Variants in LEPR observed in about 807,000 individuals in gnomAD.
LEPR encodes the protein leptin receptor, also known as OB receptor.
A neutral mutation model predicts 114.7 loss-of-function variants in LEPR; 56 were observed. The observed-to-expected ratio is 0.49, with a 90% confidence interval of 0.39 to 0.61. LEPR has a LOEUF of 0.61. Among genes scored for constraint, LEPR ranks in the 20% least tolerant of loss-of-function variants. The pLI, the probability that LEPR is intolerant of heterozygous loss-of-function variation, is 0.00. For synonymous variants in LEPR, 443 were observed against 461.4 expected (o/e 0.96, Z 0.51); for missense variants, 1,202 against 1,352.9 (o/e 0.89, Z 1.75).
At chr1:65,576,652 TCAC>T (rs1654606188) in intron 5 of LEPR, 1 of 157,362 alleles carries the variant, frequency 6.4e-6, no homozygotes, top group Non-Finnish European at 1.4e-5. Context: ...TTCAACATGC[TCAC>T]TGATGGTTCC....
rs1366109249 is a variant in LEPR, at chr1:65,464,659, C to CT, written c.-21+39288dup. Among the ~76,000 whole-genome samples the CT allele has an allele frequency of 9.9e-5, 15 of 152,220 alleles. 1 individual carries two copies. In the East Asian group the frequency reaches 2.9e-3, roughly 29 times the overall value. On this transcript the variant is annotated intron_variant, in intron 2 of 19. Coordinates refer to ENST00000349533, the MANE Select transcript of LEPR (RefSeq NM_002303.6). Reference sequence around the variant, plus strand: ...GGCTGTGAATCCATCTGGTCCTGGACTTTTTTTGGTTGATAGGCTATTAAT... The same window carrying CT: ...GGCTGTGAATCCATCTGGTCCTGGACTTTTTTTTGGTTGATAGGCTATTAAT...
intron 2 of LEPR, among the ~76,000 whole-genome samples, chr1:65,497,923 G>T (rs1648246708): frequency 6.6e-6 from 1 of 152,128 alleles, no homozygotes; most frequent in African/African-American, 2.4e-5. Context: ...GAAATGTTTT[G>T]TGAATACACA....
intron 14 of LEPR, among the ~76,000 whole-genome samples, chr1:65,613,181 A>T (rs1315673993): frequency 6.6e-6 from 1 of 152,140 alleles, no homozygotes; most frequent in African/African-American, 2.4e-5. Context: ...TTGGTTTGTA[A>T]TCCAATACTA....
intron 2 of LEPR, among the ~76,000 whole-genome samples, chr1:65,431,171 C>A (rs1176265459): frequency 6.6e-6 from 1 of 152,108 alleles, no homozygotes; most frequent in Non-Finnish European, 1.5e-5. Flanking sequence ...TGCTTTAGAC[C>A]AGCCCTTCTT....
At chr1:65,445,162 CT>C (rs1470007383) in intron 2 of LEPR, among the ~76,000 whole-genome samples, 2 of 152,056 alleles carry the variant, frequency 1.3e-5, no homozygotes, top group Non-Finnish European at 2.9e-5. Flanking sequence ...TACAGTTTAC[CT>C]TATCTATGGC....
chr1:65,432,707 TAGG>T, intron 2 of LEPR: 1 of 880,410 alleles, frequency 1.1e-6, no homozygotes, highest in Non-Finnish European at 1.4e-6. Context: ...AAGCCTCAGT[TAGG>T]AGGAATAAGT....
intron 18 of LEPR, 147 bp downstream of exon 18, chr1:65,621,605 A>G: frequency 1.5e-6 from 1 of 686,462 alleles, no homozygotes; most frequent in Non-Finnish European, 2.5e-6. Context: ...CATAAAAAGG[A>G]AAGGCCTGTT....
At chr1:65,571,029 G>A (rs560393255) in intron 4 of LEPR, among the ~76,000 whole-genome samples, 1 of 152,122 alleles carries the variant, frequency 6.6e-6, no homozygotes, top group African/African-American at 2.4e-5. Flanking sequence ...TACATTCCTT[G>A]TAGTCTTCTA....
chr1:65,609,398 G>C (rs1657026448), intron 12 of LEPR, among the ~76,000 whole-genome samples: 1 of 152,184 alleles, frequency 6.6e-6, no homozygotes. Flanking sequence ...AACAAACAGA[G>C]TCATTCCCGT....
chr1:65,469,829 T>A (rs1647060906), intron 2 of LEPR, among the ~76,000 whole-genome samples: 2 of 152,216 alleles, frequency 1.3e-5, no homozygotes, highest in Admixed American at 1.3e-4. Flanking sequence ...TTCATCCTCA[T>A]TCTCATTTCT....
intron 5 of LEPR, among the ~76,000 whole-genome samples, chr1:65,587,882 A>G (rs1655419770): frequency 6.6e-6 from 1 of 152,002 alleles, no homozygotes; most frequent in Non-Finnish European, 1.5e-5. Context: ...TATATATGCT[A>G]GTTTATTATA....
intron 2 of LEPR, among the ~76,000 whole-genome samples, chr1:65,481,758 A>G (rs1349511026): frequency 4.0e-5 from 6 of 151,702 alleles, no homozygotes; most frequent in African/African-American, 1.4e-4. Context: ...AATATACTTC[A>G]ACTTTGGTAC....
chr1:65,604,992 G>T, intron 10 of LEPR, 46 bp from the exon 11 acceptor site: 3 of 1,600,276 alleles, frequency 1.9e-6, no homozygotes, highest in Non-Finnish European at 2.6e-6. Flanking sequence ...TCTTCTTGTT[G>T]CTTTTATTAA....
chr1:65,578,581 A>G (rs1654761208), intron 5 of LEPR, among the ~76,000 whole-genome samples: 1 of 152,136 alleles, frequency 6.6e-6, no homozygotes, highest in African/African-American at 2.4e-5. Flanking sequence ...GGATGATGCT[A>G]TGTCACAGTT....
In LEPR at chr1:65,633,413, G is replaced by A; in HGVS notation, c.2674-2778G>A. On this transcript the variant is annotated intron_variant, in intron 19 of 19. Transcript: ENST00000349533. The surrounding 1 kb of genome is among the most constrained non-coding windows in gnomAD (Gnocchi z 4.1). ...GTGATTAATTTTCAAATCATCTAAA[G>A]TTTAAAAGTAGTATTCATGATTTCT... The A allele has an allele frequency of 7.6e-7, 1 of 1,312,786 alleles. No individual in the cohort carries two copies. Among genetic ancestry groups the A allele is most frequent in the Non-Finnish European group, 9.7e-7 (1 of 1,033,530 alleles). 81.3% of individuals were successfully genotyped at this position (1,312,786 alleles called of 1,614,324 possible).
chr1:65,502,459 A>G (rs1648502875), intron 2 of LEPR, among the ~76,000 whole-genome samples: 1 of 152,036 alleles, frequency 6.6e-6, no homozygotes, highest in Non-Finnish European at 1.5e-5. Flanking sequence ...AGCTTAGCAA[A>G]CGAATACAGC....
rs1410845974 is a variant in LEPR, at chr1:65,553,620, C to CT, written c.-20-11920dup. On this transcript the variant is annotated intron_variant, in intron 2 of 19. Coordinates refer to ENST00000349533, the MANE Select transcript of LEPR (RefSeq NM_002303.6). Reference sequence around the variant, plus strand: ...TTTTCTAGTTCGCAATTCCTCTAACCTTTTTTCAACATTCTTAGCTTCCTT... The same window carrying CT: ...TTTTCTAGTTCGCAATTCCTCTAACCTTTTTTTCAACATTCTTAGCTTCCTT... Among the ~76,000 whole-genome samples the CT allele has an allele frequency of 2.6e-5, 4 of 151,914 alleles. No individual in the cohort carries two copies. In the East Asian group the frequency reaches 7.8e-4, roughly 29 times the overall value.
intron 2 of LEPR, among the ~76,000 whole-genome samples, chr1:65,488,226 C>CTCTTTCTTTCTTTCTTTCTTTCTTTCTT (rs71577203): frequency 7.4e-5 from 5 of 67,960 alleles, no homozygotes; most frequent in Non-Finnish European, 2.5e-5. Context: ...CTCTCTCTCT[C>CTCTTTCTTTCTTTCTTTCTTTCTTTCTT]TCTTTCTTTC....
intron 2 of LEPR, among the ~76,000 whole-genome samples, chr1:65,498,365 TG>T (rs1461098665): frequency 6.6e-6 from 1 of 152,170 alleles, no homozygotes; most frequent in African/African-American, 2.4e-5. Flanking sequence ...CATCATTCTT[TG>T]CTTCCTTCTT....
Sources: gnomAD v4.1 joint callset for allele counts (sites outside exome capture counted in the v4.1 genomes callset) on GRCh38, gnomAD v4.1.1 for gene constraint, Gnocchi (gnomAD v3.1) non-coding constraint, MANE v1.5 for transcripts, NCBI Gene and HGNC (gene_info 2026-07-23, HGNC 2026-07-21) for gene names.